NAF1: variants seen among roughly 807,000 people sequenced by gnomAD.
NAF1 encodes H/ACA ribonucleoprotein complex non-core subunit NAF1.
Under a neutral mutation model 40.6 loss-of-function variants are expected in NAF1, and 11 were observed. That is an observed-to-expected ratio of 0.27 (90% CI 0.17 to 0.45). NAF1 has a LOEUF of 0.45. Ranked by LOEUF, NAF1 falls within the 20% of genes least tolerant of loss-of-function variation. NAF1 has a pLI of 1.00. For missense variants in NAF1, 607 were observed against 611.1 expected (o/e 0.99, Z 0.07); for synonymous variants, 260 against 228.5 (o/e 1.14, Z -1.24).
intron 6 of NAF1, chr4:163,136,333 A>T: frequency 9.8e-6 from 1 of 102,426 alleles, no homozygotes; most frequent in Non-Finnish European, 2.1e-5. Flanking sequence ...ATATTTGTTA[A>T]AAAAAAAAAA....
intron 2 of NAF1, among the ~76,000 whole-genome samples, chr4:163,111,997 T>C (rs569519153): frequency 6.6e-6 from 1 of 152,056 alleles, no homozygotes; most frequent in Non-Finnish European, 1.5e-5. Context: ...TTTCCACTAA[T>C]GGAGGGGGAA....
intron 2 of NAF1, among the ~76,000 whole-genome samples, chr4:163,159,051 T>C (rs1387167889): frequency 6.6e-6 from 1 of 152,126 alleles, no homozygotes; most frequent in East Asian, 1.9e-4. Flanking sequence ...TCAGCAGAAT[T>C]CACTTATTAG....
At chr4:163,120,535 T>G (rs1242777277) in intron 2 of NAF1, among the ~76,000 whole-genome samples, 1 of 152,216 alleles carries the variant, frequency 6.6e-6, no homozygotes, top group African/African-American at 2.4e-5. Flanking sequence ...AGATATGCAA[T>G]GTAAAATTTA....
chr4:163,147,408 G>A (rs1478451111), intron 3 of NAF1, among the ~76,000 whole-genome samples: 1 of 152,132 alleles, frequency 6.6e-6, no homozygotes, highest in African/African-American at 2.4e-5. Flanking sequence ...TACTTTGTCA[G>A]TGCTGAGTTC....
chr4:163,144,436 T>C (rs955132853), intron 4 of NAF1, among the ~76,000 whole-genome samples: 1 of 152,226 alleles, frequency 6.6e-6, no homozygotes, highest in Non-Finnish European at 1.5e-5. Flanking sequence ...AGGGAAAAGA[T>C]GTTCGATGGC....
Position 163,166,344 on chromosome 4 carries a change from G to A in NAF1, c.365+19C>T, listed in dbSNP as rs1308987092. The A allele has an allele frequency of 6.4e-7, 1 of 1,566,564 alleles. No individual in the cohort carries two copies. Among genetic ancestry groups the A allele is most frequent in the East Asian group, 2.3e-5 (1 of 43,922 alleles). On this transcript the variant is annotated intron_variant, in intron 1 of 7. Coordinates refer to ENST00000274054, the MANE Select transcript of NAF1 (RefSeq NM_138386.3). ...TACAAGACCTCTCCCCACAGCTCCG[G>A]GTCCCTTAGGCACCCGACCTGTCCG...
downstream of NAF1, among the ~76,000 whole-genome samples, chr4:163,108,130 G>A (rs898555508): frequency 6.6e-6 from 1 of 152,242 alleles, no homozygotes; most frequent in African/African-American, 2.4e-5. Flanking sequence ...ATGTAAGTAA[G>A]GAAATAACTT....
chr4:163,166,800 A>C lies in NAF1; in HGVS notation c.-73T>G. The C allele has an allele frequency of 1.3e-6, 2 of 1,570,474 alleles. No individual in the cohort carries two copies. The highest frequency in any genetic ancestry group is 1.2e-5 in the South Asian group (1 of 84,518). ...CAAGCTCACGGCTCTCTCCAGAAATAGAAAAACAACTTAGGCAACCGCAGC... is the reference window on the plus strand; with the variant it reads ...CAAGCTCACGGCTCTCTCCAGAAATCGAAAAACAACTTAGGCAACCGCAGC... On this transcript the variant is annotated 5_prime_UTR_variant, in exon 1 of 8. Coordinates refer to ENST00000274054, the MANE Select transcript of NAF1 (RefSeq NM_138386.3).
chr4:163,121,920 C>G (rs1317152488), downstream of NAF1, among the ~76,000 whole-genome samples: 4 of 152,110 alleles, frequency 2.6e-5, no homozygotes, highest in East Asian at 7.7e-4. Context: ...TTGAGTCATC[C>G]AGAGGTGAAA....
chr4:163,143,038 C>T (rs4023), intron 4 of NAF1, among the ~76,000 whole-genome samples: 5,570 of 152,198 alleles, frequency 0.037, 157 homozygotes, highest in Middle Eastern at 0.12. Flanking sequence ...AAAAGTAGCA[C>T]CTGAGACCTT....
chr4:163,166,766 G>A lies in NAF1; in HGVS notation c.-39C>T. ...AAACCGGGTCGGCCTCAGGATTGGG[G>A]CCCCTGGACAAGCTCACGGCTCTCT... On this transcript the variant is annotated 5_prime_UTR_variant, in exon 1 of 8. Transcript: ENST00000274054. 6.2e-7 allele frequency: 1 copy of A among 1,610,030 alleles called. No individual in the cohort carries two copies. Among genetic ancestry groups the A allele is most frequent in the African/African-American group, 1.3e-5 (1 of 74,846 alleles).
chr4:163,110,408 T>C (rs1366911641), intron 2 of NAF1: 1 of 619,144 alleles, frequency 1.6e-6, no homozygotes, highest in Non-Finnish European at 2.9e-6. Flanking sequence ...TGTTAATCTC[T>C]TACTGTGCCT....
At chr4:163,143,533 C>CACACACATACCATGTCACA (rs1319334098) in intron 4 of NAF1, among the ~76,000 whole-genome samples, 4 of 152,196 alleles carry the variant, frequency 2.6e-5, no homozygotes, top group African/African-American at 4.8e-5. Context: ...TCCCCCTCTC[C>CACACACATACCATGTCACA]ACACACATAC....
At chr4:163,159,118 T>C (rs1732114054) in intron 2 of NAF1, among the ~76,000 whole-genome samples, 4 of 152,144 alleles carry the variant, frequency 2.6e-5, no homozygotes, top group African/African-American at 4.8e-5. Context: ...TAATAATAAT[T>C]ATATATGTAT....
chr4:163,126,875 TAA>T (rs1434175866), downstream of NAF1: 12 of 1,428,400 alleles, frequency 8.4e-6, no homozygotes, highest in South Asian at 3.0e-5. Flanking sequence ...TTCCAACAGC[TAA>T]AAGACTGTAA....
At chr4:163,119,068 T>G (rs1350460000) in intron 2 of NAF1, among the ~76,000 whole-genome samples, 1 of 152,242 alleles carries the variant, frequency 6.6e-6, no homozygotes, top group Non-Finnish European at 1.5e-5. Context: ...CTTAGCCTAT[T>G]AGGCCTATGA....
At chr4:163,144,856 T>C (rs1259973676) in intron 4 of NAF1, among the ~76,000 whole-genome samples, 2 of 152,188 alleles carry the variant, frequency 1.3e-5, no homozygotes, top group African/African-American at 4.8e-5. Flanking sequence ...AATGTCTGTT[T>C]AGAGGTTTTA....
intron 6 of NAF1, among the ~76,000 whole-genome samples, chr4:163,136,871 A>T (rs550128741): frequency 2.6e-5 from 4 of 152,338 alleles, no homozygotes; most frequent in African/African-American, 7.2e-5. Context: ...TTAAATTTTT[A>T]AAAAATAATG....
intron 7 of NAF1, among the ~76,000 whole-genome samples, chr4:163,129,919 G>T (rs1730804208): frequency 6.6e-6 from 1 of 152,088 alleles, no homozygotes; most frequent in Admixed American, 6.5e-5. Flanking sequence ...CATACCATAT[G>T]GGGAGGAGTG....
Sources: allele counts gnomAD v4.1 joint callset (sites outside exome capture counted in the v4.1 genomes callset), GRCh38; gene constraint gnomAD v4.1.1; transcripts MANE v1.5; gene names NCBI Gene and HGNC (gene_info 2026-07-23, HGNC 2026-07-21).